GUCY1A2: variants seen among roughly 807,000 people sequenced by gnomAD.
GUCY1A2 encodes guanylate cyclase 1 soluble subunit alpha 2, also known as guanylate cyclase soluble subunit alpha-2.
Under a neutral mutation model 63.5 loss-of-function variants are expected in GUCY1A2, and 27 were observed. The observed-to-expected ratio is 0.43, with a 90% CI of 0.31 to 0.59. The LOEUF (loss-of-function observed/expected upper bound fraction) is 0.59, where lower values mean the gene tolerates loss of function less well. GUCY1A2 is among the 20% of genes least tolerant of loss of function. GUCY1A2 has a pLI of 0.11. For synonymous variants in GUCY1A2, 364 were observed against 343.5 expected (o/e 1.06, Z -0.66); for missense variants, 768 against 913.3 (o/e 0.84, Z 2.05).
chr11:106,761,342 T>C (rs1456821154), intron 6 of GUCY1A2, among the ~76,000 whole-genome samples: 1 of 152,168 alleles, frequency 6.6e-6, no homozygotes, highest in African/African-American at 2.4e-5. Flanking sequence ...CTTTTGTAAA[T>C]TATCTCTGGT....
intron 6 of GUCY1A2, among the ~76,000 whole-genome samples, chr11:106,771,348 G>A (rs1418632001): frequency 6.6e-6 from 1 of 152,172 alleles, no homozygotes; most frequent in Non-Finnish European, 1.5e-5. Flanking sequence ...CAAGATTAGA[G>A]AACTAAAGTA....
At chr11:106,851,899 T>A (rs1245464882) in intron 4 of GUCY1A2, among the ~76,000 whole-genome samples, 8 of 151,998 alleles carry the variant, frequency 5.3e-5, no homozygotes, top group Admixed American at 5.2e-4. Context: ...GTCATTAATA[T>A]TTTTGATAGA....
chr11:106,674,364 T>C lies in GUCY1A2; in HGVS notation c.*13185A>G, dbSNP rs912994819. The C allele has an allele frequency of 2.8e-5, 5 of 178,628 alleles. No homozygotes were observed. The highest frequency in any genetic ancestry group is 6.0e-5 in the Non-Finnish European group (5 of 83,202). The allele number at this position is 178,628 out of a possible 1,614,324, so 11.1% of individuals were successfully genotyped here. On this transcript the variant is annotated 3_prime_UTR_variant, in exon 8 of 8. Transcript: ENST00000526355. ...GATATTGTGGATATTTATAATCTTA[T>C]ATGAGTTATACTTTTACATGTATTA...
chr11:106,680,750 G>A lies in GUCY1A2; in HGVS notation c.*6799C>T, dbSNP rs1862419231. The A allele has an allele frequency of 4.8e-6, 1 of 206,578 alleles. No individual in the cohort carries two copies. Among genetic ancestry groups the A allele is most frequent in the African/African-American group, 2.3e-5 (1 of 43,812 alleles). The allele number at this position is 206,578 out of a possible 1,614,324, so 12.8% of individuals were successfully genotyped here. A position where few individuals can be genotyped will look rare whatever the true frequency, so the allele number is the denominator to read the frequency against. ...GTGGGCAGGAGAATGCTAAAATTAA[G>A]TTTTGCTATGAGTAATAGAAAGGTA... On this transcript the variant is annotated 3_prime_UTR_variant, in exon 8 of 8. Coordinates refer to ENST00000526355, the MANE Select transcript of GUCY1A2 (RefSeq NM_000855.3).
chr11:106,989,534 A>G (rs1040624596), intron 1 of GUCY1A2, among the ~76,000 whole-genome samples: 1 of 152,178 alleles, frequency 6.6e-6, no homozygotes, highest in African/African-American at 2.4e-5. Flanking sequence ...AGATATGGCT[A>G]TGCTAAGCTG....
intron 4 of GUCY1A2, among the ~76,000 whole-genome samples, chr11:106,882,516 G>A (rs546846020): frequency 2.0e-5 from 3 of 151,968 alleles, no homozygotes; most frequent in South Asian, 2.1e-4. Flanking sequence ...ATCATGAACC[G>A]TTTTCTAATG....
chr11:106,849,755 A>G (rs1203726024), intron 4 of GUCY1A2, among the ~76,000 whole-genome samples: 1 of 151,726 alleles, frequency 6.6e-6, no homozygotes, highest in African/African-American at 2.4e-5. Flanking sequence ...AATTTCAGCA[A>G]AAGGAGAACT....
At chr11:106,837,672 C>A (rs1223793161) in intron 4 of GUCY1A2, among the ~76,000 whole-genome samples, 1 of 151,878 alleles carries the variant, frequency 6.6e-6, no homozygotes, top group East Asian at 1.9e-4. Context: ...AAAACATTTT[C>A]CAATGTATTT....
At chr11:106,840,184 T>C (rs1048284639) in intron 4 of GUCY1A2, among the ~76,000 whole-genome samples, 1 of 151,936 alleles carries the variant, frequency 6.6e-6, no homozygotes, top group Non-Finnish European at 1.5e-5. Flanking sequence ...AAAATGATGA[T>C]ATTGTTATTG....
chr11:106,848,583 A>C (rs1318898654), intron 4 of GUCY1A2, among the ~76,000 whole-genome samples: 1 of 151,652 alleles, frequency 6.6e-6, no homozygotes, highest in Non-Finnish European at 1.5e-5. Context: ...CCCTAGAATG[A>C]AGTGGTTGAC....
intron 6 of GUCY1A2, among the ~76,000 whole-genome samples, chr11:106,745,385 CAG>C (rs1355852640): frequency 6.6e-6 from 1 of 152,208 alleles, no homozygotes; most frequent in African/African-American, 2.4e-5. Context: ...TCTTAAAAAA[CAG>C]TGAAATTTAT....
At chr11:106,946,815 T>A (rs1860835455) in intron 3 of GUCY1A2, among the ~76,000 whole-genome samples, 1 of 152,224 alleles carries the variant, frequency 6.6e-6, no homozygotes, top group African/African-American at 2.4e-5. Flanking sequence ...TTTGTGAATA[T>A]ATTAACAACC....
At chr11:106,900,679 G>T (rs542984750) in intron 4 of GUCY1A2, among the ~76,000 whole-genome samples, 2 of 151,982 alleles carry the variant, frequency 1.3e-5, no homozygotes, top group South Asian at 4.2e-4. Flanking sequence ...TGTAAGTTAG[G>T]TTCCTGAATA....
intron 1 of GUCY1A2, among the ~76,000 whole-genome samples, chr11:107,006,173 T>G (rs1861669019): frequency 6.6e-6 from 1 of 152,226 alleles, no homozygotes; most frequent in Non-Finnish European, 1.5e-5. Flanking sequence ...AAATCTCCTC[T>G]TTTCCCAGAA....
At chr11:106,776,320 T>A (rs763489869) in intron 6 of GUCY1A2, 119 bp downstream of exon 6, 7 of 739,046 alleles carry the variant, frequency 9.5e-6, no homozygotes, top group Non-Finnish European at 1.6e-5. Context: ...CTTGTCCTCC[T>A]TAAGCACCCA....
At chr11:106,961,974 C>T (rs1158981765) in intron 3 of GUCY1A2, among the ~76,000 whole-genome samples, 1 of 152,142 alleles carries the variant, frequency 6.6e-6, no homozygotes, top group Non-Finnish European at 1.5e-5. Flanking sequence ...CTACTAACAT[C>T]CCTGTTTCAC....
At chr11:107,012,260 C>CA (rs1861756767) in intron 1 of GUCY1A2, among the ~76,000 whole-genome samples, 1 of 141,252 alleles carries the variant, frequency 7.1e-6, no homozygotes, top group Non-Finnish European at 1.5e-5. Context: ...CTTCTTATTA[C>CA]TTTTTTTTTT....
At chr11:106,709,258 TATAA>T (rs1275710736) in intron 6 of GUCY1A2, among the ~76,000 whole-genome samples, 1 of 59,562 alleles carries the variant, frequency 1.7e-5, no homozygotes, top group Admixed American at 2.5e-4. Context: ...ATATAATATA[TATAA>T]ATATATTTAT....
intron 4 of GUCY1A2, among the ~76,000 whole-genome samples, chr11:106,923,601 A>G (rs935149721): frequency 2.6e-5 from 4 of 152,092 alleles, no homozygotes; most frequent in Middle Eastern, 3.2e-3. Flanking sequence ...TTTAAAACAT[A>G]TGACAAAAAG....
Sources: gnomAD v4.1 joint callset for allele counts (sites outside exome capture counted in the v4.1 genomes callset) on GRCh38, gnomAD v4.1.1 for gene constraint, MANE v1.5 for transcripts, NCBI Gene and HGNC (gene_info 2026-07-23, HGNC 2026-07-21) for gene names.